KCNK2: variants seen among roughly 807,000 people sequenced by gnomAD.
KCNK2 encodes potassium two pore domain channel subfamily K member 2.
A neutral mutation model predicts 40.5 loss-of-function variants in KCNK2; 21 were observed. The ratio of observed to expected loss-of-function variants is 0.52; its 90% CI spans 0.37 to 0.75. The LOEUF is 0.75. Among genes scored for constraint, KCNK2 ranks in the 30% least tolerant of loss-of-function variants. The pLI is 0.00. For synonymous variants in KCNK2, 191 were observed against 202.2 expected, an observed-to-expected ratio of 0.94 and a Z score of 0.47; for missense variants, 399 against 531.6, an observed-to-expected ratio of 0.75 and a Z score of 2.45.
intron 1 of KCNK2, among the ~76,000 whole-genome samples, chr1:215,060,075 C>T (rs1190140433): frequency 2.0e-5 from 3 of 152,128 alleles, no homozygotes; most frequent in African/African-American, 7.2e-5. Flanking sequence ...GTGATATTTG[C>T]TCCCTTCACT....
chr1:215,179,232 G>A (rs1463733315), intron 5 of KCNK2, among the ~76,000 whole-genome samples: 1 of 151,780 alleles, frequency 6.6e-6, no homozygotes, highest in Non-Finnish European at 1.5e-5. Context: ...TGCTTATTTG[G>A]ATCTTCTCTC....
chr1:215,094,683 G>T (rs1054173316), intron 2 of KCNK2, among the ~76,000 whole-genome samples: 1 of 151,860 alleles, frequency 6.6e-6, no homozygotes, highest in African/African-American at 2.4e-5. Context: ...TAATAATTAG[G>T]TTTTTATTAT....
intron 6 of KCNK2, among the ~76,000 whole-genome samples, chr1:215,232,725 A>G (rs190161219): frequency 6.6e-6 from 1 of 152,274 alleles, no homozygotes; most frequent in Admixed American, 6.5e-5. Flanking sequence ...AAAAGAAGAC[A>G]ATTACCAAAG....
intron 3 of KCNK2, among the ~76,000 whole-genome samples, chr1:215,132,244 C>T (rs926234850): frequency 2.2e-4 from 34 of 152,172 alleles, no homozygotes; most frequent in Non-Finnish European, 4.3e-4. Flanking sequence ...TTTATGACCA[C>T]AGAAGCCACT....
intron 6 of KCNK2, among the ~76,000 whole-genome samples, chr1:215,210,053 T>C (rs550465397): frequency 5.1e-5 from 6 of 117,582 alleles, no homozygotes; most frequent in Admixed American, 1.1e-4. Context: ...AATATATATA[T>C]ACACACACTA....
At chr1:215,125,040 T>C (rs1661353504) in intron 3 of KCNK2, among the ~76,000 whole-genome samples, 1 of 152,190 alleles carries the variant, frequency 6.6e-6, no homozygotes, top group Admixed American at 6.5e-5. Flanking sequence ...AAATGATTAT[T>C]TCTTTAGGCA....
chr1:215,154,303 G>T (rs10779648), intron 3 of KCNK2, among the ~76,000 whole-genome samples: 86,264 of 151,980 alleles, frequency 0.57, 26,443 homozygotes, highest in Non-Finnish European at 0.68. Flanking sequence ...GGCATGAGAT[G>T]GTATCTCACT....
intron 2 of KCNK2, among the ~76,000 whole-genome samples, chr1:215,109,544 C>G (rs906127436): frequency 2.0e-5 from 3 of 151,772 alleles, no homozygotes; most frequent in Non-Finnish European, 4.4e-5. Flanking sequence ...TGATTTAATT[C>G]TTTTTCATTG....
intron 1 of KCNK2, among the ~76,000 whole-genome samples, chr1:215,016,294 T>C (rs2102474218): frequency 1.0e-5 from 1 of 97,100 alleles, no homozygotes; most frequent in Non-Finnish European, 2.1e-5. Context: ...ATAGAACACA[T>C]AAGCAATCTT....
chr1:215,180,053 A>G (rs1664161408), intron 5 of KCNK2, among the ~76,000 whole-genome samples: 2 of 152,284 alleles, frequency 1.3e-5, no homozygotes, highest in South Asian at 2.1e-4. Context: ...TGTTGGGTGC[A>G]TAAATATTTA....
chr1:215,074,468 G>A (rs945609132), intron 1 of KCNK2, among the ~76,000 whole-genome samples: 7 of 152,126 alleles, frequency 4.6e-5, no homozygotes, highest in Non-Finnish European at 1.0e-4. Flanking sequence ...GTATTGATTT[G>A]CTCTTCATAA....
chr1:215,042,603 C>A (rs993224645), intron 1 of KCNK2, among the ~76,000 whole-genome samples: 1 of 152,202 alleles, frequency 6.6e-6, no homozygotes, highest in Non-Finnish European at 1.5e-5. Flanking sequence ...AAAGAACAAA[C>A]ACTCTGTTTT....
chr1:215,160,693 C>T lies in KCNK2; in HGVS notation c.476-8506C>T, dbSNP rs1663155224. ...TTCCCTTTATCCTTTTATAACCAGT[C>T]TCTTTGAGGGCCCTCTTTGCCATCT... On this transcript the variant is annotated intron_variant, in intron 3 of 6. Transcript: ENST00000444842. Among the ~76,000 whole-genome samples, 4 of 152,076 alleles carry T rather than the reference C, an allele frequency of 2.6e-5. No individual in the cohort carries two copies. The South Asian group carries it at 8.3e-4, about 32-fold the overall frequency.
At chr1:215,203,937 C>T (rs1665189945) in intron 6 of KCNK2, among the ~76,000 whole-genome samples, 1 of 147,286 alleles carries the variant, frequency 6.8e-6, no homozygotes, top group African/African-American at 2.5e-5. Flanking sequence ...ACTCGGGAGG[C>T]CGAGGGAGGA....
chr1:215,164,322 T>C (rs1440008820), intron 3 of KCNK2, among the ~76,000 whole-genome samples: 1 of 152,208 alleles, frequency 6.6e-6, no homozygotes, highest in African/African-American at 2.4e-5. Context: ...TCTTTTTTAT[T>C]AGTCTAGCTA....
At chr1:215,098,491 T>A (rs908541281) in intron 2 of KCNK2, among the ~76,000 whole-genome samples, 2 of 151,930 alleles carry the variant, frequency 1.3e-5, no homozygotes, top group African/African-American at 4.8e-5. Context: ...TGTGAGATTT[T>A]AAAAATTTAA....
intron 5 of KCNK2, among the ~76,000 whole-genome samples, chr1:215,186,140 G>T (rs565766248): frequency 6.6e-6 from 1 of 152,278 alleles, no homozygotes; most frequent in South Asian, 2.1e-4. Flanking sequence ...CGATTAGGCT[G>T]GGTATGGTGG....
chr1:215,124,534 T>G, intron 2 of KCNK2, 99 bp from the exon 3 acceptor site: 3 of 766,554 alleles, frequency 3.9e-6, no homozygotes, highest in Non-Finnish European at 4.7e-6. Context: ...TTAGAGTTGA[T>G]TCTCTTTGTC....
chr1:215,019,332 G>A (rs1350309578), intron 1 of KCNK2, among the ~76,000 whole-genome samples: 16 of 152,148 alleles, frequency 1.1e-4, no homozygotes, highest in Admixed American at 9.8e-4. Context: ...TAGAGATTTT[G>A]TGTTTCTTAC....
Sources: allele counts gnomAD v4.1 joint callset (sites outside exome capture counted in the v4.1 genomes callset), GRCh38; gene constraint gnomAD v4.1.1; transcripts MANE v1.5; gene names NCBI Gene and HGNC (gene_info 2026-07-23, HGNC 2026-07-21).